Variants in HS3ST3B1 observed in about 807,000 individuals in gnomAD.
HS3ST3B1 encodes heparan sulfate glucosamine 3-O-sulfotransferase 3B1.
Under a neutral mutation model 21.3 loss-of-function variants are expected in HS3ST3B1, and 13 were observed. The observed-to-expected ratio is 0.61, with a 90% CI of 0.40 to 0.97. The LOEUF (loss-of-function observed/expected upper bound fraction) is 0.97, where lower values mean the gene tolerates loss of function less well. HS3ST3B1 is among the 50% of genes least tolerant of loss of function. HS3ST3B1 has a pLI of 0.00. For synonymous variants in HS3ST3B1, 234 were observed against 254.8 expected, an observed-to-expected ratio of 0.92 and a Z score of 0.78; for missense variants, 459 against 554.8, an observed-to-expected ratio of 0.83 and a Z score of 1.73.
Position 14,348,272 on chromosome 17 carries a change from G to A in HS3ST3B1, c.*2626G>A, listed in dbSNP as rs888967410. 23 of 152,314 alleles carry A rather than the reference G, an allele frequency of 1.5e-4. No homozygotes were observed. Among genetic ancestry groups the A allele is most frequent in the African/African-American group, 5.3e-4 (22 of 41,562 alleles). 9.4% of individuals were successfully genotyped at this position (152,314 alleles called of 1,614,324 possible). On this transcript the variant is annotated 3_prime_UTR_variant, in exon 2 of 2. Coordinates refer to ENST00000360954, the MANE Select transcript of HS3ST3B1 (RefSeq NM_006041.3). ...AACAGGAAATTTTCTGGTAGAAGGAGGGTCATTTAGTCACGAACACTGAAG... is the reference window on the plus strand; with the variant it reads ...AACAGGAAATTTTCTGGTAGAAGGAAGGTCATTTAGTCACGAACACTGAAG...
chr17:14,320,044 T>C (rs917505657), intron 1 of HS3ST3B1, among the ~76,000 whole-genome samples: 12 of 151,812 alleles, frequency 7.9e-5, no homozygotes, highest in African/African-American at 2.9e-4. Context: ...GAGAGGCAGG[T>C]CTTGATGTGA....
At chr17:14,321,915 A>G (rs1820940176) in intron 1 of HS3ST3B1, among the ~76,000 whole-genome samples, 1 of 151,068 alleles carries the variant, frequency 6.6e-6, no homozygotes, top group South Asian at 2.1e-4. Flanking sequence ...TTCTAAATTA[A>G]TTTTTCTCTC....
At position 14,301,839 on chromosome 17, in the gene HS3ST3B1, C is replaced by A. The variant is rs757799336; in HGVS notation, c.321C>A (p.Gly107=). The A allele has an allele frequency of 3.8e-6, 6 of 1,582,272 alleles. No individual in the cohort carries two copies. Among genetic ancestry groups the A allele is most frequent in the South Asian group, 1.2e-5 (1 of 86,558 alleles). Residue 107 remains glycine, a synonymous_variant, in exon 1 of 2, where the codon GGC becomes GGA. Transcript: ENST00000360954. ...PLASGKEMAE[G]AASPEEQSPE... is the part of the protein sequence containing the mutation. ...CTTCAGGCAAGGAGATGGCCGAGGG[C>A]GCTGCGAGCCCGGAGGAGCAGAGTC... is the stretch of plus-strand genomic sequence containing the variant.
In HS3ST3B1 at chr17:14,348,643, T is replaced by C. The variant is rs550969454; in HGVS notation, c.*2997T>C. 3.3e-5 allele frequency: 5 copies of C among 152,348 alleles called. No individual in the cohort carries two copies. In the East Asian group the frequency reaches 9.6e-4, roughly 29 times the overall value. The allele number at this position is 152,348 out of a possible 1,614,324, so 9.4% of individuals were successfully genotyped here. A position where few individuals can be genotyped will look rare whatever the true frequency, so the allele number is the denominator to read the frequency against. On this transcript the variant is annotated 3_prime_UTR_variant, in exon 2 of 2. Coordinates refer to ENST00000360954, the MANE Select transcript of HS3ST3B1 (RefSeq NM_006041.3). Reference sequence around the variant, plus strand: ...CCTTTTCTGTTTCGGCAATTTGTCCTGGCACGTGTTTTGGACTTCCTCCGA... The same window carrying C: ...CCTTTTCTGTTTCGGCAATTTGTCCCGGCACGTGTTTTGGACTTCCTCCGA...
At chr17:14,334,456 A>G (rs1426633034) in intron 1 of HS3ST3B1, among the ~76,000 whole-genome samples, 2 of 152,062 alleles carry the variant, frequency 1.3e-5, no homozygotes, top group African/African-American at 4.8e-5. Flanking sequence ...GGCTTAAGCA[A>G]TCCTCTTTCC....
At chr17:14,313,753 A>G (rs1019057891) in intron 1 of HS3ST3B1, among the ~76,000 whole-genome samples, 1 of 151,636 alleles carries the variant, frequency 6.6e-6, no homozygotes, top group Admixed American at 6.6e-5. Context: ...TATTTTTAGT[A>G]GAGGCGGGGT....
At chr17:14,315,506 G>A (rs1567637892) in intron 1 of HS3ST3B1, among the ~76,000 whole-genome samples, 1 of 152,118 alleles carries the variant, frequency 6.6e-6, no homozygotes, top group African/African-American at 2.4e-5. Flanking sequence ...TTTGAGATGC[G>A]CTATTCCACG....
intron 1 of HS3ST3B1, among the ~76,000 whole-genome samples, chr17:14,320,713 A>C (rs1295469959): frequency 6.6e-6 from 1 of 152,168 alleles, no homozygotes; most frequent in South Asian, 2.1e-4. Flanking sequence ...CACGTCTTCG[A>C]ATCTGGTTGC....
Position 14,327,066 on chromosome 17 carries a change from C to T in HS3ST3B1, c.555-17962C>T, listed in dbSNP as rs571048240. Among the ~76,000 whole-genome samples, 240 of 151,856 alleles carry T rather than the reference C, an allele frequency of 1.6e-3. 2 individuals are homozygous for T. Among genetic ancestry groups the T allele is most frequent in the African/African-American group, 5.7e-3 (237 of 41,434 alleles). ...TGACTGTGTCTGGAATTTCTCTCAA[C>T]ATAAACGGTAAGTCCCTGGAGGGCA... is the stretch of plus-strand genomic sequence containing the variant. On this transcript the variant is annotated intron_variant, in intron 1 of 1. Coordinates refer to ENST00000360954, the MANE Select transcript of HS3ST3B1 (RefSeq NM_006041.3).
chr17:14,335,915 G>T (rs1167055316), intron 1 of HS3ST3B1, among the ~76,000 whole-genome samples: 1 of 152,146 alleles, frequency 6.6e-6, no homozygotes, highest in African/African-American at 2.4e-5. Context: ...ACAATTCTAT[G>T]CATTTGTCAA....
intron 1 of HS3ST3B1, among the ~76,000 whole-genome samples, chr17:14,320,478 G>T (rs1909627227): frequency 6.6e-6 from 1 of 152,180 alleles, no homozygotes; most frequent in Non-Finnish European, 1.5e-5. Context: ...GGGAGTCGAG[G>T]ATGTTTGTAA....
In HS3ST3B1 at chr17:14,301,660, C is replaced by T. The variant is rs748717955; in HGVS notation, c.142C>T (p.Leu48=). ...GCTCTGCGTCTGGCTCTATATGTTCCTGTACTCGTGCGCCGGCTCCTGCGC... is the reference window on the plus strand; with the variant it reads ...GCTCTGCGTCTGGCTCTATATGTTCTTGTACTCGTGCGCCGGCTCCTGCGC... ...AMLCVWLYMF[L]YSCAGSCAAA... is the part of the protein sequence containing the mutation. Residue 48 remains leucine (L), a synonymous_variant, in exon 1 of 2, where the codon CTG becomes TTG. Coordinates refer to ENST00000360954, the MANE Select transcript of HS3ST3B1 (RefSeq NM_006041.3). 1.1e-5 allele frequency: 18 copies of T among 1,605,818 alleles called. No individual in the cohort carries two copies. The highest frequency in any genetic ancestry group is 1.7e-4 in the Middle Eastern group (1 of 6,060).
At chr17:14,306,605 A>G (rs1233870291) in intron 1 of HS3ST3B1, among the ~76,000 whole-genome samples, 3 of 152,258 alleles carry the variant, frequency 2.0e-5, no homozygotes, top group Non-Finnish European at 4.4e-5. Context: ...GAAAATAGCT[A>G]TATTCCCCAC....
chr17:14,338,278 G>A lies in HS3ST3B1; in HGVS notation c.555-6750G>A, dbSNP rs371206125. Among the ~76,000 whole-genome samples the A allele has an allele frequency of 1.0e-3, 149 of 149,392 alleles. 2 individuals are homozygous for A. Among genetic ancestry groups the A allele is most frequent in the Middle Eastern group, 3.6e-3 (1 of 278 alleles). On this transcript the variant is annotated intron_variant, in intron 1 of 1. Transcript: ENST00000360954. Reference sequence around the variant, plus strand: ...GTGACTGGGACTACAGGTGCGTGCCGCCACGCCCGGCTAATTTTTTGTATT... The same window carrying A: ...GTGACTGGGACTACAGGTGCGTGCCACCACGCCCGGCTAATTTTTTGTATT...
rs1261011561 is a variant in HS3ST3B1, at chr17:14,303,704, GT to G, written c.554+1634del. On this transcript the variant is annotated intron_variant, in intron 1 of 1. Transcript: ENST00000360954. The surrounding 1 kb of genome is among the most constrained non-coding windows in gnomAD (Gnocchi z 5.7). ...CAGGCACGTGAGGGCCTCTCTAATCGTTAGCTATTGTCACCGATTGTATTGT... is the reference window on the plus strand; with the variant it reads ...CAGGCACGTGAGGGCCTCTCTAATCGTAGCTATTGTCACCGATTGTATTGT... 1.3e-5 allele frequency: 2 copies of G among 152,212 alleles called. No individual in the cohort carries two copies. The highest frequency in any genetic ancestry group is 2.9e-5 in the Non-Finnish European group (2 of 68,082). 9.4% of individuals were successfully genotyped at this position (152,212 alleles called of 1,614,324 possible).
At chr17:14,328,926 C>T (rs945540122) in intron 1 of HS3ST3B1, 5 of 152,240 alleles carry the variant, frequency 3.3e-5, no homozygotes, top group East Asian at 1.9e-4. Flanking sequence ...CCTATGATAA[C>T]GGGGGTTTAT....
intron 1 of HS3ST3B1, among the ~76,000 whole-genome samples, chr17:14,337,244 C>T (rs867156): frequency 0.078 from 11,905 of 151,972 alleles, 626 homozygotes; most frequent in East Asian, 0.14. Flanking sequence ...TTTTGTTTTA[C>T]TGGTAGCCTG....
At chr17:14,324,739 G>A (rs976524131) in intron 1 of HS3ST3B1, among the ~76,000 whole-genome samples, 1 of 152,068 alleles carries the variant, frequency 6.6e-6, no homozygotes, top group Admixed American at 6.6e-5. Flanking sequence ...TCAGCCTCCT[G>A]AGTAGCTGGG....
intron 1 of HS3ST3B1, chr17:14,305,582 T>C (rs1396666314): frequency 1.3e-5 from 2 of 152,254 alleles, no homozygotes; most frequent in Non-Finnish European, 2.9e-5. Flanking sequence ...GGGAATTAAG[T>C]TAGCCAAATA....
Sources: allele counts gnomAD v4.1 joint callset (sites outside exome capture counted in the v4.1 genomes callset), GRCh38; gene constraint gnomAD v4.1.1; non-coding constraint Gnocchi (gnomAD v3.1); transcripts MANE v1.5; gene names NCBI Gene and HGNC (gene_info 2026-07-23, HGNC 2026-07-21).